SYNPO2: variants seen among roughly 807,000 people sequenced by gnomAD.
SYNPO2 encodes synaptopodin 2, also known as synaptopodin-2.
SYNPO2 carries 56 observed loss-of-function variants against 85.0 expected under a neutral mutation model. The observed-to-expected ratio is 0.66, with a 90% CI of 0.53 to 0.82. The LOEUF is 0.82. SYNPO2 is among the 40% of genes least tolerant of loss of function. The probability of loss-of-function intolerance (pLI) is 0.00; values close to 1 mark genes in which losing one functional copy is unlikely to be tolerated. For synonymous variants in SYNPO2, 602 were observed against 591.1 expected (o/e 1.02, Z -0.27); for missense variants, 1,575 against 1,534.2 (o/e 1.03, Z -0.44).
intron 1 of SYNPO2, among the ~76,000 whole-genome samples, chr4:118,936,823 C>T (rs1009874095): frequency 6.6e-5 from 10 of 152,110 alleles, no homozygotes; most frequent in African/African-American, 1.9e-4. Flanking sequence ...GGACTGGTCC[C>T]CATCAGACAC....
At chr4:119,013,609 G>A (rs1278121559) in intron 1 of SYNPO2, among the ~76,000 whole-genome samples, 1 of 152,134 alleles carries the variant, frequency 6.6e-6, no homozygotes, top group African/African-American at 2.4e-5. Flanking sequence ...ACTTTCAAGG[G>A]AAAACTAAAA....
intron 4 of SYNPO2, among the ~76,000 whole-genome samples, chr4:119,050,124 G>A (rs1018557240): frequency 6.6e-6 from 1 of 152,096 alleles, no homozygotes; most frequent in Non-Finnish European, 1.5e-5. Context: ...CTGAGGTCAG[G>A]AGTTCAAGGC....
In SYNPO2 at chr4:118,941,837, C is replaced by T. The variant is rs367850788; in HGVS notation, c.105+52696C>T. Among the ~76,000 whole-genome samples the T allele has an allele frequency of 1.6e-4, 25 of 152,254 alleles. 1 individual carries two copies. Among genetic ancestry groups the T allele is most frequent in the South Asian group, 4.1e-4 (2 of 4,822 alleles). On this transcript the variant is annotated intron_variant, in intron 1 of 4. Coordinates refer to ENST00000307142, the MANE Select transcript of SYNPO2 (RefSeq NM_133477.3). ...GTGCCATTCAGAAAGCAGAAAAGAACGAGGGGAAGGCAGAGGCCACCGCCT... is the reference window on the plus strand; with the variant it reads ...GTGCCATTCAGAAAGCAGAAAAGAATGAGGGGAAGGCAGAGGCCACCGCCT...
Position 119,052,826 on chromosome 4 carries a change from C to T in SYNPO2, c.3253-4575C>T, listed in dbSNP as rs1435843144. Among the ~76,000 whole-genome samples, 3 of 152,154 alleles carry T rather than the reference C, an allele frequency of 2.0e-5. No homozygotes were observed. In the South Asian group the frequency reaches 6.2e-4, roughly 32 times the overall value. ...CTCTTCCTAAAAGTAAGCAAAATGT[C>T]CCAGGATCTGCTAAGTTTTCTTCCA... On this transcript the variant is annotated intron_variant, in intron 4 of 4. Coordinates refer to ENST00000307142, the MANE Select transcript of SYNPO2 (RefSeq NM_133477.3).
intron 1 of SYNPO2, among the ~76,000 whole-genome samples, chr4:118,924,986 G>A (rs28703229): frequency 0.014 from 2,203 of 152,238 alleles, 52 homozygotes; most frequent in African/African-American, 0.05. Context: ...TCACCTCCAT[G>A]GCTGCAGTAC....
At chr4:118,877,157 T>G (rs78640474) in intron 1 of SYNPO2, among the ~76,000 whole-genome samples, 5,048 of 152,130 alleles carry the variant, frequency 0.033, 275 homozygotes, top group African/African-American at 0.11. Flanking sequence ...CACATAAATG[T>G]GTTTTCAGTT....
chr4:118,924,275 C>T (rs912895918), intron 1 of SYNPO2, among the ~76,000 whole-genome samples: 27 of 152,196 alleles, frequency 1.8e-4, no homozygotes, highest in African/African-American at 5.8e-4. Flanking sequence ...TTTTCCTGAA[C>T]GTGGGAATCT....
chr4:118,957,247 G>A (rs925209953), intron 1 of SYNPO2, among the ~76,000 whole-genome samples: 2 of 152,062 alleles, frequency 1.3e-5, no homozygotes, highest in African/African-American at 4.8e-5. Flanking sequence ...ATCTTCCATG[G>A]CAGGGACCTA....
intron 4 of SYNPO2, chr4:119,033,370 G>A: frequency 1.0e-6 from 1 of 985,366 alleles, no homozygotes; most frequent in South Asian, 4.7e-5. Context: ...AGGTTACCTT[G>A]TAAACTTTAA....
chr4:118,863,850 A>G (rs1731659253), intron 1 of SYNPO2, among the ~76,000 whole-genome samples: 1 of 151,932 alleles, frequency 6.6e-6, no homozygotes, highest in Non-Finnish European at 1.5e-5. Context: ...GAGGTAATCC[A>G]CCCGCTTCAG....
At chr4:118,960,071 C>T (rs556006006) in intron 1 of SYNPO2, among the ~76,000 whole-genome samples, 2 of 152,204 alleles carry the variant, frequency 1.3e-5, no homozygotes, top group Admixed American at 6.5e-5. Flanking sequence ...GATGTGGCCA[C>T]AAGGGCACAA....
intron 4 of SYNPO2, among the ~76,000 whole-genome samples, chr4:119,049,261 G>A (rs1376838402): frequency 6.6e-6 from 1 of 152,194 alleles, no homozygotes; most frequent in Non-Finnish European, 1.5e-5. Context: ...CTGCTTTTCA[G>A]AAATTCTAAT....
chr4:118,984,585 A>G (rs1736147813), intron 1 of SYNPO2, among the ~76,000 whole-genome samples: 1 of 152,178 alleles, frequency 6.6e-6, no homozygotes. Context: ...TGTTTAAACC[A>G]TTCCCTCTGC....
intron 1 of SYNPO2, among the ~76,000 whole-genome samples, chr4:118,943,599 A>T (rs1734396588): frequency 6.6e-6 from 1 of 152,182 alleles, no homozygotes; most frequent in Non-Finnish European, 1.5e-5. Flanking sequence ...AACTGTCTTC[A>T]TGTGTCATGC....
intron 1 of SYNPO2, among the ~76,000 whole-genome samples, chr4:118,928,581 T>G (rs1484800407): frequency 6.6e-6 from 1 of 152,186 alleles, no homozygotes; most frequent in Non-Finnish European, 1.5e-5. Flanking sequence ...GTAACATTTA[T>G]GTAGAAAGAT....
chr4:118,977,140 A>G (rs1156338785), intron 1 of SYNPO2, among the ~76,000 whole-genome samples: 1 of 152,178 alleles, frequency 6.6e-6, no homozygotes, highest in Non-Finnish European at 1.5e-5. Flanking sequence ...ACAGGAGCCC[A>G]TGGAGGGGGT....
At position 118,979,414 on chromosome 4, in the gene SYNPO2, A is replaced by T. The variant is rs185965215; in HGVS notation, c.106-44016A>T. 2.0e-5 allele frequency among the ~76,000 whole-genome samples: 3 copies of T among 152,260 alleles called. No homozygotes were observed. The East Asian group carries it at 5.8e-4, about 29-fold the overall frequency. Reference sequence around the variant, plus strand: ...TGTAAACCCCTTTCCTGAGCCAATGACCTAAAATCTCACCCTCAGCTCTAA... The same window carrying T: ...TGTAAACCCCTTTCCTGAGCCAATGTCCTAAAATCTCACCCTCAGCTCTAA... On this transcript the variant is annotated intron_variant, in intron 1 of 4. Transcript: ENST00000307142.
chr4:118,959,827 C>T (rs1263197328), intron 1 of SYNPO2, among the ~76,000 whole-genome samples: 6 of 107,770 alleles, frequency 5.6e-5, no homozygotes, highest in African/African-American at 1.1e-4. Context: ...CTGTCTCCCT[C>T]GGTGTAGTAC....
chr4:118,907,847 T>G (rs4833598), intron 1 of SYNPO2, among the ~76,000 whole-genome samples: 131,763 of 151,906 alleles, frequency 0.87, 57,178 homozygotes, highest in Middle Eastern at 0.95. Flanking sequence ...TGTACACACA[T>G]CAACTCACAA....
Sources: gnomAD v4.1 joint callset for allele counts (sites outside exome capture counted in the v4.1 genomes callset) on GRCh38, gnomAD v4.1.1 for gene constraint, MANE v1.5 for transcripts, NCBI Gene and HGNC (gene_info 2026-07-23, HGNC 2026-07-21) for gene names.